Variants in UNC5C observed in about 807,000 individuals in gnomAD.
UNC5C encodes the protein unc-5 netrin receptor C.
In UNC5C, 47 loss-of-function variants were observed where a neutral mutation model predicts 99.8. The ratio of observed to expected loss-of-function variants is 0.47; its 90% CI spans 0.37 to 0.60. The LOEUF (loss-of-function observed/expected upper bound fraction) is 0.60. UNC5C is among the 20% of genes least tolerant of loss of function. UNC5C has a pLI of 0.00. For synonymous variants in UNC5C, 487 were observed against 452.2 expected, an observed-to-expected ratio of 1.08 and a Z score of -0.98; for missense variants, 1,062 against 1,165.9, an observed-to-expected ratio of 0.91 and a Z score of 1.30.
chr4:95,482,614 G>A (rs1721194738), intron 1 of UNC5C, among the ~76,000 whole-genome samples: 7 of 146,636 alleles, frequency 4.8e-5, no homozygotes, highest in African/African-American at 1.8e-4. Context: ...CAACCCAAAT[G>A]TCCAACAATG....
chr4:95,171,851 A>T (rs1374681415), intron 14 of UNC5C, among the ~76,000 whole-genome samples: 3 of 152,014 alleles, frequency 2.0e-5, no homozygotes, highest in Non-Finnish European at 4.4e-5. Flanking sequence ...TTACAGTCCC[A>T]CCAACAGTGT....
At chr4:95,538,986 G>C (rs545355077) in intron 1 of UNC5C, among the ~76,000 whole-genome samples, 4 of 152,120 alleles carry the variant, frequency 2.6e-5, no homozygotes, top group Non-Finnish European at 5.9e-5. Flanking sequence ...GGGTGTCCAA[G>C]AAAATCAAAC....
chr4:95,432,214 C>T (rs1746654193), intron 1 of UNC5C, among the ~76,000 whole-genome samples: 1 of 152,000 alleles, frequency 6.6e-6, no homozygotes, highest in Non-Finnish European at 1.5e-5. Context: ...GGATCCTCAG[C>T]AATTTCTCAC....
intron 7 of UNC5C, among the ~76,000 whole-genome samples, chr4:95,232,661 T>C (rs932639972): frequency 6.6e-6 from 1 of 152,166 alleles, no homozygotes; most frequent in Admixed American, 6.5e-5. Context: ...TGTTTGGTGC[T>C]CCGTAGGTGT....
chr4:95,186,597 C>T (rs1736841040), intron 12 of UNC5C, among the ~76,000 whole-genome samples: 1 of 152,176 alleles, frequency 6.6e-6, no homozygotes, highest in South Asian at 2.1e-4. Flanking sequence ...CTGAACCATG[C>T]AAGCTGCTCG....
chr4:95,253,373 G>A (rs1739813728), intron 4 of UNC5C, among the ~76,000 whole-genome samples: 1 of 152,102 alleles, frequency 6.6e-6, no homozygotes. Flanking sequence ...TGTTCAATCT[G>A]CATGGTTGAC....
At chr4:95,500,343 G>T (rs1721745777) in intron 1 of UNC5C, among the ~76,000 whole-genome samples, 1 of 151,804 alleles carries the variant, frequency 6.6e-6, no homozygotes, top group Non-Finnish European at 1.5e-5. Flanking sequence ...ATGAGAACAG[G>T]GACTATAGAA....
chr4:95,424,352 T>C (rs1044714442), intron 1 of UNC5C, among the ~76,000 whole-genome samples: 9 of 151,530 alleles, frequency 5.9e-5, no homozygotes, highest in African/African-American at 1.9e-4. Context: ...ATATACACAG[T>C]GTATGAAGAG....
intron 12 of UNC5C, among the ~76,000 whole-genome samples, chr4:95,195,249 G>A (rs1373543484): frequency 6.6e-6 from 1 of 152,136 alleles, no homozygotes; most frequent in Non-Finnish European, 1.5e-5. Flanking sequence ...AGTGACCAGG[G>A]CCACCAGGCT....
chr4:95,271,476 GC>G (rs1740664649), intron 4 of UNC5C, among the ~76,000 whole-genome samples: 1 of 151,978 alleles, frequency 6.6e-6, no homozygotes, highest in South Asian at 2.1e-4. Flanking sequence ...TGATCCGCCC[GC>G]CTCGGCCTAC....
chr4:95,303,007 G>A (rs1741931439), intron 2 of UNC5C, among the ~76,000 whole-genome samples: 1 of 152,138 alleles, frequency 6.6e-6, no homozygotes, highest in African/African-American at 2.4e-5. Flanking sequence ...GAGTTAGCTT[G>A]GTTCAATCAT....
chr4:95,490,075 T>C (rs1220792811), intron 1 of UNC5C, among the ~76,000 whole-genome samples: 1 of 151,328 alleles, frequency 6.6e-6, no homozygotes, highest in East Asian at 2.0e-4. Flanking sequence ...GCCTGGACAC[T>C]TAACAGTTGT....
At chr4:95,440,077 G>GT (rs1245662344) in intron 1 of UNC5C, among the ~76,000 whole-genome samples, 1 of 152,290 alleles carries the variant, frequency 6.6e-6, no homozygotes, top group African/African-American at 2.4e-5. Flanking sequence ...TCCATTGGTG[G>GT]TTCTGCCTCT....
chr4:95,304,458 C>A (rs1037160489), intron 2 of UNC5C, among the ~76,000 whole-genome samples: 4 of 152,124 alleles, frequency 2.6e-5, no homozygotes, highest in Non-Finnish European at 5.9e-5. Flanking sequence ...GGTCCCTACT[C>A]AGGCCTCTCA....
intron 1 of UNC5C, among the ~76,000 whole-genome samples, chr4:95,499,090 G>T (rs1420634487): frequency 6.6e-6 from 1 of 152,012 alleles, no homozygotes; most frequent in African/African-American, 2.4e-5. Context: ...AATATTTTAA[G>T]GTATAAAGTT....
intron 1 of UNC5C, among the ~76,000 whole-genome samples, chr4:95,430,245 T>C (rs1746597289): frequency 6.6e-6 from 1 of 152,084 alleles, no homozygotes; most frequent in East Asian, 1.9e-4. Context: ...TGAGGGAGGC[T>C]ATGCATATGT....
chr4:95,368,738 T>C lies in UNC5C; in HGVS notation c.125-33107A>G, dbSNP rs374637882. Among the ~76,000 whole-genome samples the C allele has an allele frequency of 4.6e-5, 7 of 152,322 alleles. No individual in the cohort carries two copies. The East Asian group carries it at 9.6e-4, about 21-fold the overall frequency. On this transcript the variant is annotated intron_variant, in intron 1 of 15. Transcript: ENST00000453304. ...AATTTAAAATTTTCAAGTCATCACTTTAAAAAAGTAAAAAGTAACAAGGGA... is the reference window on the plus strand; with the variant it reads ...AATTTAAAATTTTCAAGTCATCACTCTAAAAAAGTAAAAAGTAACAAGGGA...
At chr4:95,361,003 A>G (rs1429352990) in intron 1 of UNC5C, among the ~76,000 whole-genome samples, 1 of 152,208 alleles carries the variant, frequency 6.6e-6, no homozygotes, top group Non-Finnish European at 1.5e-5. Flanking sequence ...CAGTAAACTC[A>G]GAAAGTAAAA....
chr4:95,330,792 AT>A (rs1453786273), intron 2 of UNC5C, among the ~76,000 whole-genome samples: 8 of 152,042 alleles, frequency 5.3e-5, no homozygotes, highest in Non-Finnish European at 1.2e-4. Flanking sequence ...ATCTGTGGGC[AT>A]CTTTGCCTTT....
Sources: allele counts gnomAD v4.1 joint callset (sites outside exome capture counted in the v4.1 genomes callset), GRCh38; gene constraint gnomAD v4.1.1; transcripts MANE v1.5; gene names NCBI Gene and HGNC (gene_info 2026-07-23, HGNC 2026-07-21).